Variants in ANTXRL observed in about 807,000 individuals in gnomAD.
ANTXRL encodes ANTXR like.
In ANTXRL, 63 loss-of-function variants were observed where a neutral mutation model predicts 75.4. That is an observed-to-expected ratio of 0.84 (90% confidence interval 0.68 to 1.03). ANTXRL has a LOEUF of 1.03. ANTXRL is among the 50% of genes least tolerant of loss of function. ANTXRL has a pLI of 0.00. For missense variants in ANTXRL, 797 were observed against 789.4 expected, an observed-to-expected ratio of 1.01 and a Z score of -0.12; for synonymous variants, 335 against 291.3, an observed-to-expected ratio of 1.15 and a Z score of -1.53.
At chr10:46,293,032 G>T (rs1171394293) in intron 2 of ANTXRL, 2 of 152,466 alleles carry the variant, frequency 1.3e-5, no homozygotes, top group African/African-American at 2.4e-5. Flanking sequence ...AAGAGGCAAA[G>T]AATTTTCCAG....
chr10:46,308,371 A>G (rs1202057852), intron 12 of ANTXRL: 2 of 416,202 alleles, frequency 4.8e-6, no homozygotes, highest in Non-Finnish European at 9.6e-6. Flanking sequence ...TCCTTCAGCC[A>G]GCCGGGTTCC....
rs2132702486 is a variant in ANTXRL, at chr10:46,298,566, G to T, written c.796+504G>T. 1.3e-5 allele frequency among the ~76,000 whole-genome samples: 2 copies of T among 151,706 alleles called. 1 individual carries two copies. The highest frequency in any genetic ancestry group is 4.2e-4 in the South Asian group (2 of 4,790). ...CACTGTGTGTGTCTGGCATGAGTGGGGGTCTTGTGGGAGTGTGTGGGAAGG... is the reference window on the plus strand; with the variant it reads ...CACTGTGTGTGTCTGGCATGAGTGGTGGTCTTGTGGGAGTGTGTGGGAAGG... On this transcript the variant is annotated intron_variant, in intron 9 of 16. Coordinates refer to ENST00000620264, the MANE Select transcript of ANTXRL (RefSeq NM_001278688.3).
rs552077011 is a variant in ANTXRL, at chr10:46,303,212, T to C, written c.895+392T>C. On this transcript the variant is annotated intron_variant, in intron 10 of 16. Coordinates refer to ENST00000620264, the MANE Select transcript of ANTXRL (RefSeq NM_001278688.3). Reference sequence around the variant, plus strand: ...GCAGCCCCGGAGATCTGAGCCTGAATGGCCAGGTGCACCAGTAGCTTGCCC... The same window carrying C: ...GCAGCCCCGGAGATCTGAGCCTGAACGGCCAGGTGCACCAGTAGCTTGCCC... Among the ~76,000 whole-genome samples the C allele has an allele frequency of 7.2e-5, 11 of 152,288 alleles. No individual in the cohort carries two copies. The East Asian group carries it at 2.1e-3, about 29-fold the overall frequency.
At chr10:46,293,461 AGTGTGTGTGTATGCATGT>A (rs1382164500) in intron 2 of ANTXRL, among the ~76,000 whole-genome samples, 2 of 136,796 alleles carry the variant, frequency 1.5e-5, no homozygotes, top group African/African-American at 5.8e-5. Flanking sequence ...TGCATGTGTG[AGTGTGTGTGTATGCATGT>A]GTGTGGGTGT....
intron 3 of ANTXRL, among the ~76,000 whole-genome samples, chr10:46,295,679 G>A (rs1554958391): frequency 5.3e-5 from 8 of 152,032 alleles, no homozygotes; most frequent in Admixed American, 2.0e-4. Context: ...CCTGGTTCAG[G>A]GTTAGGGTTA....
rs1236100587 is a variant in ANTXRL, at chr10:46,291,709, G to C, written c.249-349G>C. 5.3e-5 allele frequency among the ~76,000 whole-genome samples: 8 copies of C among 152,162 alleles called. No individual in the cohort carries two copies. The East Asian group carries it at 1.5e-3, about 29-fold the overall frequency. On this transcript the variant is annotated intron_variant, in intron 1 of 16. Transcript: ENST00000620264. ...TTTTTTGGTTGATTTTCTATATTTG[G>C]ATTGTTCACTGGGGGCTTTTCCAAC...
At chr10:46,308,843 G>C (rs1415416992) in intron 12 of ANTXRL, among the ~76,000 whole-genome samples, 1 of 152,114 alleles carries the variant, frequency 6.6e-6, no homozygotes, top group Non-Finnish European at 1.5e-5. Flanking sequence ...GAAGCCCTGT[G>C]CTGCAGGCGA....
At chr10:46,297,384 T>G (rs1554959104) in intron 6 of ANTXRL, 22 bp from the exon 7 acceptor site, 1 of 1,536,112 alleles carries the variant, frequency 6.5e-7, no homozygotes, top group African/African-American at 1.4e-5. Context: ...ATGACCAATA[T>G]GCAATGCCTT....
At chr10:46,327,607 C>T (rs1554966761) in intron 16 of ANTXRL, among the ~76,000 whole-genome samples, 1 of 152,080 alleles carries the variant, frequency 6.6e-6, no homozygotes, top group African/African-American at 2.4e-5. Context: ...GGGAGAAGGG[C>T]CCCTCTCAGT....
chr10:46,312,928 C>A (rs1294607664), intron 15 of ANTXRL, among the ~76,000 whole-genome samples: 1 of 152,156 alleles, frequency 6.6e-6, no homozygotes, highest in African/African-American at 2.4e-5. Context: ...CTAACTCATG[C>A]TCCCCTTCAG....
At chr10:46,322,207 T>C (rs1554965691) in intron 16 of ANTXRL, among the ~76,000 whole-genome samples, 1 of 151,982 alleles carries the variant, frequency 6.6e-6, no homozygotes, top group Admixed American at 6.6e-5. Flanking sequence ...CTGAAGGAAG[T>C]CCATCTGTAA....
Position 46,287,654 on chromosome 10 carries a change from C to T in ANTXRL, c.248+144C>T. The T allele has an allele frequency of 3.5e-6, 4 of 1,134,950 alleles. No individual in the cohort carries two copies. In the South Asian group the frequency reaches 7.0e-5, roughly 20 times the overall value. The allele number at this position is 1,134,950 out of a possible 1,614,324, so 70.3% of individuals were successfully genotyped here. On this transcript the variant is annotated intron_variant, in intron 1 of 16. Coordinates refer to ENST00000620264, the MANE Select transcript of ANTXRL (RefSeq NM_001278688.3). Reference sequence around the variant, plus strand: ...CTTTGGTCAGACCAGACCTAGGCCTCCTGTTTTTCTGAGGCAGAAAGAATG... The same window carrying T: ...CTTTGGTCAGACCAGACCTAGGCCTTCTGTTTTTCTGAGGCAGAAAGAATG...
intron 11 of ANTXRL, 77 bp from the exon 12 acceptor site, chr10:46,307,325 C>T: frequency 9.5e-7 from 1 of 1,052,498 alleles, no homozygotes; most frequent in Non-Finnish European, 1.4e-6. Flanking sequence ...AATGACCTCT[C>T]ATTACCCATG....
chr10:46,303,498 T>C (rs1353430755), intron 10 of ANTXRL, among the ~76,000 whole-genome samples: 4 of 152,200 alleles, frequency 2.6e-5, no homozygotes, highest in Non-Finnish European at 4.4e-5. Flanking sequence ...TGTTTCAGCA[T>C]CCCAAACCGC....
intron 16 of ANTXRL, among the ~76,000 whole-genome samples, chr10:46,315,435 G>A (rs11259789): frequency 0.091 from 13,927 of 152,210 alleles, 2,089 homozygotes; most frequent in African/African-American, 0.32. Flanking sequence ...CGTCCTGCCA[G>A]GACAGGCATA....
intron 15 of ANTXRL, 131 bp downstream of exon 15, chr10:46,311,796 C>G: frequency 1.8e-6 from 1 of 560,160 alleles, no homozygotes; most frequent in Non-Finnish European, 3.2e-6. Context: ...ACTTTGGACA[C>G]TTGATGTCAA....
At chr10:46,303,564 C>T (rs7086457) in intron 10 of ANTXRL, among the ~76,000 whole-genome samples, 26,313 of 151,782 alleles carry the variant, frequency 0.17, 1,997 homozygotes, top group East Asian at 0.26. Context: ...CATGTTGGTG[C>T]TCAAGAAATG....
chr10:46,323,067 A>T (rs1839054564), intron 16 of ANTXRL, among the ~76,000 whole-genome samples: 1 of 152,160 alleles, frequency 6.6e-6, no homozygotes, highest in South Asian at 2.1e-4. Flanking sequence ...GTTTCCATAA[A>T]TGCCAAAATT....
At chr10:46,315,186 G>A (rs1176884002) in intron 16 of ANTXRL, among the ~76,000 whole-genome samples, 1 of 152,216 alleles carries the variant, frequency 6.6e-6, no homozygotes, top group Non-Finnish European at 1.5e-5. Context: ...CTAGTCATGA[G>A]TGTACAGAGC....
Sources: allele counts gnomAD v4.1 joint callset (sites outside exome capture counted in the v4.1 genomes callset), GRCh38; gene constraint gnomAD v4.1.1; transcripts MANE v1.5; gene names NCBI Gene and HGNC (gene_info 2026-07-23, HGNC 2026-07-21).